FOXJ3: variants seen among roughly 807,000 people sequenced by gnomAD.
The protein encoded by FOXJ3 is forkhead box J3.
A neutral mutation model predicts 76.1 loss-of-function variants in FOXJ3; 22 were observed. The observed-to-expected ratio is 0.29, with a 90% confidence interval of 0.21 to 0.41. The LOEUF (loss-of-function observed/expected upper bound fraction) is 0.41. FOXJ3 is among the 10% of genes least tolerant of loss of function. FOXJ3 has a pLI of 1.00. For synonymous variants in FOXJ3, 269 were observed against 261.2 expected, an observed-to-expected ratio of 1.03 and a Z score of -0.29; for missense variants, 613 against 762.1, an observed-to-expected ratio of 0.80 and a Z score of 2.30.
intron 1 of FOXJ3, among the ~76,000 whole-genome samples, chr1:42,328,368 C>A (rs1417680298): frequency 3.9e-5 from 6 of 152,294 alleles, no homozygotes; most frequent in Middle Eastern, 6.8e-3. Flanking sequence ...GAACAGAGTT[C>A]TCTAAGTCTG....
intron 4 of FOXJ3, among the ~76,000 whole-genome samples, chr1:42,247,800 T>G (rs1386592620): frequency 5.9e-5 from 9 of 152,144 alleles, no homozygotes. Context: ...TATCCTAAAG[T>G]GTATACACAA....
At chr1:42,205,913 C>CT in intron 5 of FOXJ3, 50 bp from the exon 6 acceptor site, 1 of 1,071,530 alleles carries the variant, frequency 9.3e-7, no homozygotes, top group Middle Eastern at 2.3e-4. Flanking sequence ...TATCCAGCAA[C>CT]TTTAACACAG....
At chr1:42,289,393 A>T (rs983238842) in intron 2 of FOXJ3, among the ~76,000 whole-genome samples, 13 of 152,176 alleles carry the variant, frequency 8.5e-5, no homozygotes, top group Non-Finnish European at 1.8e-4. Context: ...AATAAATGAC[A>T]AGATACATGT....
Position 42,327,383 on chromosome 1 carries a change from T to C in FOXJ3, c.-18+7676A>G, listed in dbSNP as rs115316809. On this transcript the variant is annotated intron_variant, in intron 1 of 12. Transcript: ENST00000361346. Reference sequence around the variant, plus strand: ...TTCAGAAAGGCCAACCTGACCCTGATTGCTGCATGTTTGACTGTTGTGTCT... The same window carrying C: ...TTCAGAAAGGCCAACCTGACCCTGACTGCTGCATGTTTGACTGTTGTGTCT... Among the ~76,000 whole-genome samples, 1,084 of 152,318 alleles carry C rather than the reference T, an allele frequency of 7.1e-3. 21 individuals are homozygous for C. The highest frequency in any genetic ancestry group is 0.025 in the African/African-American group (1,045 of 41,580).
intron 3 of FOXJ3, among the ~76,000 whole-genome samples, chr1:42,273,351 A>T (rs1652002831): frequency 1.3e-5 from 2 of 152,186 alleles, no homozygotes; most frequent in Non-Finnish European, 2.9e-5. Flanking sequence ...TAATAAATAA[A>T]TCCTTTTCAC....
At chr1:42,189,071 G>A in intron 10 of FOXJ3, 143 bp from the exon 11 acceptor site, 4 of 621,382 alleles carry the variant, frequency 6.4e-6, no homozygotes, top group Non-Finnish European at 1.1e-5. Context: ...AATGAAGAAT[G>A]ACCTTTTTAA....
chr1:42,223,364 G>A (rs1380765258), intron 5 of FOXJ3, among the ~76,000 whole-genome samples: 8 of 152,124 alleles, frequency 5.3e-5, no homozygotes, highest in African/African-American at 1.9e-4. Context: ...TCAAATCAAA[G>A]TAAAAGTCCT....
Position 42,176,549 on chromosome 1 carries a change from A to T in FOXJ3, c.*3161T>A, listed in dbSNP as rs1398539106. On this transcript the variant is annotated 3_prime_UTR_variant, in exon 13 of 13. Coordinates refer to ENST00000361346, the MANE Select transcript of FOXJ3 (RefSeq NM_014947.5). Reference sequence around the variant, plus strand: ...ACGGAGACCAATCAGTGTTGTAAATAGAGTTAACATAATATATTTATTTTA... The same window carrying T: ...ACGGAGACCAATCAGTGTTGTAAATTGAGTTAACATAATATATTTATTTTA... 6.6e-6 allele frequency: 1 copy of T among 152,652 alleles called. No homozygotes were observed. The highest frequency in any genetic ancestry group is 1.5e-5 in the Non-Finnish European group (1 of 68,036). The allele number at this position is 152,652 out of a possible 1,614,324, so 9.5% of individuals were successfully genotyped here. A position where few individuals can be genotyped will look rare whatever the true frequency, so the allele number is the denominator to read the frequency against.
At chr1:42,270,149 C>T (rs1389314004) in intron 3 of FOXJ3, among the ~76,000 whole-genome samples, 1 of 152,222 alleles carries the variant, frequency 6.6e-6, no homozygotes. Flanking sequence ...AAGATTACTG[C>T]CCCCAGCCTT....
intron 4 of FOXJ3, among the ~76,000 whole-genome samples, chr1:42,249,375 A>G (rs1033778162): frequency 6.6e-6 from 1 of 152,212 alleles, no homozygotes; most frequent in Non-Finnish European, 1.5e-5. Flanking sequence ...AGTAGTCATT[A>G]AGAGAAAAAT....
chr1:42,320,349 C>A (rs961395812), intron 1 of FOXJ3, among the ~76,000 whole-genome samples: 4 of 152,174 alleles, frequency 2.6e-5, no homozygotes, highest in African/African-American at 9.7e-5. Context: ...GCAAACAGCA[C>A]AAGATTCTAT....
chr1:42,185,650 T>C (rs1646420681), intron 11 of FOXJ3, among the ~76,000 whole-genome samples: 1 of 152,044 alleles, frequency 6.6e-6, no homozygotes, highest in East Asian at 1.9e-4. Context: ...ACAGAAAAGG[T>C]GTCTAGTGTG....
At chr1:42,232,741 G>A (rs1337263025) in intron 4 of FOXJ3, among the ~76,000 whole-genome samples, 1 of 152,084 alleles carries the variant, frequency 6.6e-6, no homozygotes, top group African/African-American at 2.4e-5. Context: ...CCATTCTGTA[G>A]GCTGCCTGTT....
At chr1:42,182,605 C>G (rs1646347222) in intron 11 of FOXJ3, among the ~76,000 whole-genome samples, 1 of 152,184 alleles carries the variant, frequency 6.6e-6, no homozygotes, top group Non-Finnish European at 1.5e-5. Flanking sequence ...TCGGGCGATT[C>G]TCCTGCCTCA....
intron 4 of FOXJ3, among the ~76,000 whole-genome samples, chr1:42,229,639 C>T (rs139763436): frequency 1.2e-3 from 181 of 152,160 alleles, no homozygotes; most frequent in African/African-American, 4.2e-3. Flanking sequence ...AAGGAGTCTA[C>T]CAGATGTGGT....
intron 3 of FOXJ3, among the ~76,000 whole-genome samples, chr1:42,273,499 C>T (rs763350474): frequency 1.3e-5 from 2 of 151,764 alleles, no homozygotes. Context: ...CATGGTGAAA[C>T]CCCATCTCTA....
At chr1:42,259,725 T>C (rs1024056418) in intron 4 of FOXJ3, among the ~76,000 whole-genome samples, 1 of 152,242 alleles carries the variant, frequency 6.6e-6, no homozygotes. Context: ...AATCACTCAA[T>C]GGCACTAATC....
rs753816620 is a variant in FOXJ3, at chr1:42,278,571, T to C, written c.146A>G (p.His49Arg). 5.6e-6 allele frequency: 9 copies of C among 1,614,066 alleles called. No homozygotes were observed. The highest frequency in any genetic ancestry group is 7.6e-6 in the Non-Finnish European group (9 of 1,180,024). ...IQKSDATQNA[H>R]GTGISKKNAL... ...ATTCTTCTTAGAAATTCCTGTTCCA[T>C]GTGCATTTTGTGTAGCATCAGATTT... is the stretch of plus-strand genomic sequence containing the variant. Residue 49 changes from histidine to arginine, a missense_variant, in exon 3 of 13, where the codon CAT (histidine) becomes CGT (arginine). His to Arg is a conservative substitution (Grantham distance 29). Transcript: ENST00000361346.
chr1:42,283,909 G>T (rs1185645389), intron 2 of FOXJ3, among the ~76,000 whole-genome samples: 1 of 152,104 alleles, frequency 6.6e-6, no homozygotes, highest in Non-Finnish European at 1.5e-5. Flanking sequence ...TGCACCTTTT[G>T]CCCTGCCTGC....
Sources: gnomAD v4.1 joint callset for allele counts (sites outside exome capture counted in the v4.1 genomes callset) on GRCh38, gnomAD v4.1.1 for gene constraint, MANE v1.5 for transcripts, NCBI Gene and HGNC (gene_info 2026-07-23, HGNC 2026-07-21) for gene names.